SMYD3: variants seen among roughly 807,000 people sequenced by gnomAD.
SMYD3 encodes histone-lysine N-methyltransferase SMYD3.
SMYD3 carries 36 observed loss-of-function variants against 57.7 expected under a neutral mutation model. The observed-to-expected ratio is 0.62, with a 90% CI of 0.48 to 0.82. SMYD3 has a LOEUF of 0.82. Ranked by LOEUF, SMYD3 falls within the 40% of genes least tolerant of loss-of-function variation. The pLI, the probability that SMYD3 is intolerant of heterozygous loss-of-function variation, is 0.00. For missense variants in SMYD3, 515 were observed against 538.8 expected (o/e 0.96, Z 0.44); for synonymous variants, 211 against 195.0 (o/e 1.08, Z -0.68).
rs548932355 is a variant in SMYD3 at position 246,345,365 on chromosome 1, A to AT, written c.228+9665dup. Among the ~76,000 whole-genome samples the AT allele has an allele frequency of 2.1e-3, 316 of 152,306 alleles. 1 individual carries two copies. The highest frequency in any genetic ancestry group is 7.3e-3 in the African/African-American group (303 of 41,564). ...CCTTTGTTGAAAATCAACTGGCCATATATGTGTAGGGCTATAGTTTTTATA... is the reference window on the plus strand; with the variant it reads ...CCTTTGTTGAAAATCAACTGGCCATATTATGTGTAGGGCTATAGTTTTTATA... On this transcript the variant is annotated intron_variant, in intron 2 of 11. Transcript: ENST00000490107.
intron 1 of SMYD3, among the ~76,000 whole-genome samples, chr1:246,398,122 T>G (rs1319305243): frequency 6.6e-6 from 1 of 152,220 alleles, no homozygotes; most frequent in Non-Finnish European, 1.5e-5. Context: ...TTGGAGAAGT[T>G]ACAAATCTTG....
chr1:246,161,722 T>C (rs967642768), intron 5 of SMYD3, among the ~76,000 whole-genome samples: 1 of 152,218 alleles, frequency 6.6e-6, no homozygotes, highest in African/African-American at 2.4e-5. Flanking sequence ...GAGAATCAAA[T>C]ACAGGTCTGG....
intron 10 of SMYD3, among the ~76,000 whole-genome samples, chr1:245,835,125 T>TG (rs2050042055): frequency 6.7e-6 from 1 of 149,118 alleles, no homozygotes. Flanking sequence ...AGGTTTCCTT[T>TG]TTTTTTTTTT....
intron 2 of SMYD3, among the ~76,000 whole-genome samples, chr1:246,349,326 C>T (rs911382672): frequency 6.7e-6 from 1 of 149,620 alleles, no homozygotes; most frequent in Admixed American, 6.7e-5. Flanking sequence ...GAGCAGGGGC[C>T]GGGCACAGTG....
At chr1:246,333,279 G>A (rs1333421301) in intron 3 of SMYD3, among the ~76,000 whole-genome samples, 1 of 152,160 alleles carries the variant, frequency 6.6e-6, no homozygotes, top group Non-Finnish European at 1.5e-5. Context: ...AGATGTGATA[G>A]CAAGAACGAA....
At chr1:245,945,422 T>C (rs1424913967) in intron 5 of SMYD3, among the ~76,000 whole-genome samples, 1 of 152,002 alleles carries the variant, frequency 6.6e-6, no homozygotes, top group Non-Finnish European at 1.5e-5. Context: ...AAAGCCACAA[T>C]GAGAATCTCA....
intron 5 of SMYD3, among the ~76,000 whole-genome samples, chr1:246,318,638 T>A (rs1488603195): frequency 6.6e-6 from 1 of 152,216 alleles, no homozygotes; most frequent in Non-Finnish European, 1.5e-5. Flanking sequence ...ACAGTAACCT[T>A]TGCCATTTCA....
At chr1:246,267,909 T>A (rs4654226) in intron 5 of SMYD3, among the ~76,000 whole-genome samples, 52,909 of 152,080 alleles carry the variant, frequency 0.35, 10,296 homozygotes, top group East Asian at 0.79. Flanking sequence ...TGTCAATCCC[T>A]AAAGAAGCAA....
rs74821885 is a variant in SMYD3, at chr1:246,351,653, T to C, written c.228+3378A>G. 9.2e-3 allele frequency among the ~76,000 whole-genome samples: 1,394 copies of C among 152,306 alleles called. 25 individuals carry two copies. The highest frequency in any genetic ancestry group is 0.031 in the African/African-American group (1,294 of 41,540). On this transcript the variant is annotated intron_variant, in intron 2 of 11. Coordinates refer to ENST00000490107, the MANE Select transcript of SMYD3 (RefSeq NM_001167740.2). Reference sequence around the variant, plus strand: ...AATACATATGTCGATGTGTACGCTATATATGATGCATAAACCAATAGTTTG... The same window carrying C: ...AATACATATGTCGATGTGTACGCTACATATGATGCATAAACCAATAGTTTG...
chr1:246,479,725 C>T (rs1283602361), intron 1 of SMYD3, among the ~76,000 whole-genome samples: 6 of 151,984 alleles, frequency 3.9e-5, no homozygotes, highest in Admixed American at 2.6e-4. Flanking sequence ...CCAGGCTGGT[C>T]GTGAACTCCT....
intron 1 of SMYD3, among the ~76,000 whole-genome samples, chr1:246,495,473 T>C (rs1232595017): frequency 2.0e-5 from 3 of 151,794 alleles, no homozygotes; most frequent in Non-Finnish European, 1.5e-5. Flanking sequence ...GCTTTCAATG[T>C]GTAGCCAATG....
At chr1:245,987,986 T>C (rs1393600686) in intron 5 of SMYD3, among the ~76,000 whole-genome samples, 1 of 152,212 alleles carries the variant, frequency 6.6e-6, no homozygotes. Flanking sequence ...GAAAACTGTA[T>C]TTTTATAATG....
chr1:245,907,368 AAAAAT>A (rs2054641056), intron 8 of SMYD3, among the ~76,000 whole-genome samples: 1 of 152,198 alleles, frequency 6.6e-6, no homozygotes, highest in Non-Finnish European at 1.5e-5. Context: ...AAATTTTTTA[AAAAAT>A]AAAATAATTT....
intron 5 of SMYD3, among the ~76,000 whole-genome samples, chr1:246,152,151 G>C (rs1473042837): frequency 6.6e-6 from 1 of 152,200 alleles, no homozygotes; most frequent in Non-Finnish European, 1.5e-5. Flanking sequence ...AAACAAACAT[G>C]AAAGTGCCTG....
chr1:246,133,760 G>A (rs1466513117), intron 5 of SMYD3, among the ~76,000 whole-genome samples: 1 of 152,036 alleles, frequency 6.6e-6, no homozygotes, highest in Admixed American at 6.6e-5. Context: ...CGAGCTGAAT[G>A]CACACACGCT....
At chr1:246,390,109 G>A (rs1176316031) in intron 1 of SMYD3, among the ~76,000 whole-genome samples, 1 of 149,546 alleles carries the variant, frequency 6.7e-6, no homozygotes, top group Non-Finnish European at 1.5e-5. Flanking sequence ...GTCCAAGTTG[G>A]GGCAAGTGGT....
chr1:245,963,533 G>GT (rs56686693), intron 5 of SMYD3, among the ~76,000 whole-genome samples: 7,046 of 147,890 alleles, frequency 0.048, 203 homozygotes, highest in South Asian at 0.076. Flanking sequence ...GCTTTTGTGA[G>GT]TTTTTTTTTT....
intron 1 of SMYD3, among the ~76,000 whole-genome samples, chr1:246,378,193 A>C (rs1450876538): frequency 6.6e-6 from 1 of 152,210 alleles, no homozygotes; most frequent in Non-Finnish European, 1.5e-5. Context: ...ACTATGAAAG[A>C]ATATAATACT....
At chr1:246,384,889 G>A (rs1387477749) in intron 1 of SMYD3, among the ~76,000 whole-genome samples, 1 of 152,104 alleles carries the variant, frequency 6.6e-6, no homozygotes, top group Non-Finnish European at 1.5e-5. Flanking sequence ...TAGCTGAATT[G>A]AGCTGATTTT....
Sources: allele counts gnomAD v4.1 joint callset (sites outside exome capture counted in the v4.1 genomes callset), GRCh38; gene constraint gnomAD v4.1.1; transcripts MANE v1.5; gene names NCBI Gene and HGNC (gene_info 2026-07-23, HGNC 2026-07-21).